The following MEI4 variants were observed in gnomAD, a reference collection of about 807,000 sequenced individuals.
The protein encoded by MEI4 is meiotic double-stranded break formation protein 4, also known as meiosis-specific protein MEI4.
A neutral mutation model predicts 31.4 loss-of-function variants in MEI4; 27 were observed. The observed-to-expected ratio is 0.86, with a 90% CI of 0.63 to 1.19. MEI4 has a LOEUF of 1.19. Among genes scored for constraint, MEI4 ranks in the 50% most tolerant of loss-of-function variants. MEI4 has a pLI of 0.00. For synonymous variants in MEI4, 122 were observed against 145.4 expected (o/e 0.84, Z 1.16); for missense variants, 329 against 398.9 (o/e 0.82, Z 1.49).
intron 4 of MEI4, among the ~76,000 whole-genome samples, chr6:77,915,501 G>C (rs940454445): frequency 7.2e-5 from 11 of 151,910 alleles, no homozygotes; most frequent in Non-Finnish European, 1.5e-4. Context: ...GAAATCCACT[G>C]TTCATATGGT....
At chr6:77,745,813 A>G (rs761597874) in intron 2 of MEI4, among the ~76,000 whole-genome samples, 29 of 152,210 alleles carry the variant, frequency 1.9e-4, no homozygotes, top group African/African-American at 6.5e-4. Flanking sequence ...AGGCTTAAGA[A>G]TCTCACTCAA....
chr6:77,665,278 G>A (rs907201381), intron 1 of MEI4, among the ~76,000 whole-genome samples: 4 of 150,624 alleles, frequency 2.7e-5, no homozygotes, highest in African/African-American at 1.0e-4. Context: ...GGGATTGGGG[G>A]TTCTTGCCCC....
intron 3 of MEI4, among the ~76,000 whole-genome samples, chr6:77,827,252 T>C (rs1300629023): frequency 1.3e-5 from 2 of 150,232 alleles, no homozygotes; most frequent in East Asian, 2.0e-4. Context: ...CCCAGCTACA[T>C]TGGGAGGCTG....
intron 3 of MEI4, among the ~76,000 whole-genome samples, chr6:77,773,116 C>T (rs1334284935): frequency 6.6e-6 from 1 of 151,976 alleles, no homozygotes; most frequent in Non-Finnish European, 1.5e-5. Flanking sequence ...GTTCATACTA[C>T]CCCAAGCAAT....
chr6:77,793,911 C>G (rs1769007494), intron 3 of MEI4, among the ~76,000 whole-genome samples: 1 of 151,942 alleles, frequency 6.6e-6, no homozygotes, highest in Non-Finnish European at 1.5e-5. Context: ...AAATAATTAA[C>G]AAAATGGAAA....
intron 4 of MEI4, among the ~76,000 whole-genome samples, chr6:77,839,975 A>C (rs1347251340): frequency 6.6e-6 from 1 of 152,188 alleles, no homozygotes; most frequent in Non-Finnish European, 1.5e-5. Context: ...CCCAGATATT[A>C]AAATGACCAA....
chr6:77,786,189 A>G (rs982517753), intron 3 of MEI4, among the ~76,000 whole-genome samples: 1 of 152,174 alleles, frequency 6.6e-6, no homozygotes, highest in Non-Finnish European at 1.5e-5. Context: ...AAGGAAAAAT[A>G]TAGTGAAGAG....
At chr6:77,778,745 A>G (rs1178393919) in intron 3 of MEI4, among the ~76,000 whole-genome samples, 1 of 150,850 alleles carries the variant, frequency 6.6e-6, no homozygotes, top group African/African-American at 2.5e-5. Flanking sequence ...AAATAAATAA[A>G]TACCAAAATC....
chr6:77,892,018 G>C (rs1411320358), intron 4 of MEI4, among the ~76,000 whole-genome samples: 2 of 152,184 alleles, frequency 1.3e-5, no homozygotes, highest in East Asian at 3.9e-4. Context: ...CCAGTTCTCT[G>C]GCCCCCAGGC....
intron 4 of MEI4, among the ~76,000 whole-genome samples, chr6:77,873,135 G>C (rs1486485306): frequency 6.6e-6 from 1 of 152,142 alleles, no homozygotes; most frequent in Non-Finnish European, 1.5e-5. Context: ...GGATGGCTGG[G>C]TCAAATGGTA....
At chr6:77,673,517 TC>T in intron 1 of MEI4, among the ~76,000 whole-genome samples, 1 of 152,166 alleles carries the variant, frequency 6.6e-6, no homozygotes, top group Non-Finnish European at 1.5e-5. Context: ...GTTTTTCTGT[TC>T]CCCAATTCAA....
At chr6:77,885,770 C>A (rs1293007170) in intron 4 of MEI4, among the ~76,000 whole-genome samples, 1 of 152,096 alleles carries the variant, frequency 6.6e-6, no homozygotes, top group Non-Finnish European at 1.5e-5. Flanking sequence ...AGGTTTTCAG[C>A]TTCTCCCAGT....
intron 2 of MEI4, among the ~76,000 whole-genome samples, chr6:77,699,258 C>T (rs1396559672): frequency 4.9e-5 from 7 of 143,710 alleles, no homozygotes; most frequent in South Asian, 2.2e-4. Flanking sequence ...GGCGGGATCT[C>T]GGCTCACTGC....
intron 2 of MEI4, among the ~76,000 whole-genome samples, chr6:77,695,583 G>T (rs1249585209): frequency 6.6e-6 from 1 of 152,128 alleles, no homozygotes; most frequent in Non-Finnish European, 1.5e-5. Flanking sequence ...TAGATATGTG[G>T]CATTATTTTT....
At chr6:77,790,791 C>T (rs936175364) in intron 3 of MEI4, among the ~76,000 whole-genome samples, 12 of 151,820 alleles carry the variant, frequency 7.9e-5, no homozygotes, top group South Asian at 4.2e-4. Flanking sequence ...TAGAACATGG[C>T]GTTTTGAAAT....
At chr6:77,701,096 G>T (rs1413172900) in intron 2 of MEI4, among the ~76,000 whole-genome samples, 1 of 152,086 alleles carries the variant, frequency 6.6e-6, no homozygotes, top group Non-Finnish European at 1.5e-5. Flanking sequence ...GAAAAGCTAT[G>T]CTCTTTTTCT....
intron 4 of MEI4, among the ~76,000 whole-genome samples, chr6:77,836,930 T>G (rs2127713469): frequency 6.6e-6 from 1 of 152,218 alleles, no homozygotes. Flanking sequence ...TAACAAGAAC[T>G]TAAGAGAAAT....
chr6:77,850,267 C>T (rs1770584090), intron 4 of MEI4, among the ~76,000 whole-genome samples: 1 of 152,042 alleles, frequency 6.6e-6, no homozygotes, highest in Admixed American at 6.6e-5. Context: ...ACTTTCTTCA[C>T]AGAATTGGAA....
At chr6:77,908,840 A>T (rs1346412727) in intron 4 of MEI4, among the ~76,000 whole-genome samples, 1 of 152,128 alleles carries the variant, frequency 6.6e-6, no homozygotes, top group African/African-American at 2.4e-5. Flanking sequence ...GAGCACCCAG[A>T]TTCATAAAAC....
Sources: gnomAD v4.1 joint callset for allele counts (sites outside exome capture counted in the v4.1 genomes callset) on GRCh38, gnomAD v4.1.1 for gene constraint, MANE v1.5 for transcripts, NCBI Gene and HGNC (gene_info 2026-07-23, HGNC 2026-07-21) for gene names.